MINK1: variants seen among roughly 807,000 people sequenced by gnomAD.
MINK1 encodes the protein misshapen like kinase 1.
A neutral mutation model predicts 178.4 loss-of-function variants in MINK1; 46 were observed. That is an observed-to-expected ratio of 0.26 (90% CI 0.20 to 0.33). MINK1 has a LOEUF of 0.33. Ranked by LOEUF, MINK1 falls within the 10% of genes least tolerant of loss-of-function variation. MINK1 has a pLI of 1.00. For missense variants in MINK1, 1,366 were observed against 1,814.9 expected, an observed-to-expected ratio of 0.75 and a Z score of 4.49; for synonymous variants, 797 against 709.7, an observed-to-expected ratio of 1.12 and a Z score of -1.96.
Position 4,893,026 on chromosome 17 carries a change from G to C in MINK1, c.2359G>C (p.Ala787Pro). ...CCCTGTGCTCTCCCCTGGGAATAAA[G>C]CCAAGCCCGACGACCACCGCTCACG... ...SSPVLSPGNK[A>P]KPDDHRSRPG... The change falls in exon 20 of 32, where the codon GCC becomes CCC. Residue 787 changes from alanine (A) to proline (P), a missense_variant. Transcript: ENST00000355280. 6.3e-7 allele frequency: 1 copy of C among 1,578,582 alleles called. No homozygotes were observed. Among genetic ancestry groups the C allele is most frequent in the Non-Finnish European group, 8.6e-7 (1 of 1,164,548 alleles).
chr17:4,858,999 G>A (rs1350576357), intron 1 of MINK1: 5 of 401,584 alleles, frequency 1.2e-5, no homozygotes, highest in Admixed American at 6.4e-5. Context: ...CCAGGCACCC[G>A]GGGCAGCCCC....
chr17:4,850,719 C>T lies in MINK1; in HGVS notation c.57+17079C>T, dbSNP rs964635650. 3.3e-5 allele frequency among the ~76,000 whole-genome samples: 5 copies of T among 152,276 alleles called. No individual in the cohort carries two copies. The South Asian group carries it at 6.2e-4, about 19-fold the overall frequency. ...AAGTTTTCTTGGTCATGAAGCTTCT[C>T]TAGTCTCTTCCTTGGGTTTGTGGAC... On this transcript the variant is annotated intron_variant, in intron 1 of 31. Coordinates refer to ENST00000355280, the MANE Select transcript of MINK1 (RefSeq NM_153827.5).
chr17:4,856,173 G>A (rs1913103700), intron 1 of MINK1, among the ~76,000 whole-genome samples: 1 of 152,124 alleles, frequency 6.6e-6, no homozygotes, highest in South Asian at 2.1e-4. Flanking sequence ...CAAGCACCTT[G>A]GGGTATAAGT....
At chr17:4,859,211 A>C (rs369223021) in intron 1 of MINK1, 3 of 985,240 alleles carry the variant, frequency 3.0e-6, no homozygotes, top group African/African-American at 3.5e-5. Flanking sequence ...TCCCTTCCCC[A>C]GGCTTTATGG....
At chr17:4,868,718 A>C (rs1390440140) in intron 1 of MINK1, 1 of 182,944 alleles carries the variant, frequency 5.5e-6, no homozygotes, top group African/African-American at 2.4e-5. Context: ...AGGAGTGTAG[A>C]TGTCTCTTCC....
At chr17:4,865,118 A>G (rs547562468) in intron 1 of MINK1, among the ~76,000 whole-genome samples, 1 of 152,138 alleles carries the variant, frequency 6.6e-6, no homozygotes, top group Non-Finnish European at 1.5e-5. Context: ...TCTGTTTTAC[A>G]TGAGATGTGT....
Position 4,894,926 on chromosome 17 carries a change from C to G in MINK1, c.2918-149C>G. 1 of 850,426 alleles carries G rather than the reference C, an allele frequency of 1.2e-6. No individual in the cohort carries two copies. The highest frequency in any genetic ancestry group is 1.8e-6 in the Non-Finnish European group (1 of 554,834). The allele number at this position is 850,426 out of a possible 1,614,324, so 52.7% of individuals were successfully genotyped here. A position where few individuals can be genotyped will look rare whatever the true frequency, so the allele number is the denominator to read the frequency against. ...TTTGACTCCAAGTCCAGCACTCTAT[C>G]CCCCTCTCCCATGCACCTCCTCTCC... is the stretch of plus-strand genomic sequence containing the variant. On this transcript the variant is annotated intron_variant, in intron 24 of 31. Coordinates refer to ENST00000355280, the MANE Select transcript of MINK1 (RefSeq NM_153827.5). This position sits in a 1 kb window ranked among gnomAD's most constrained non-coding sequence, Gnocchi z 4.1.
At chr17:4,867,362 G>T (rs1189902317) in intron 1 of MINK1, among the ~76,000 whole-genome samples, 1 of 151,138 alleles carries the variant, frequency 6.6e-6, no homozygotes, top group African/African-American at 2.4e-5. Flanking sequence ...AAAAAAATAG[G>T]TACACGGTCA....
chr17:4,895,154 C>T lies in MINK1; in HGVS notation c.2997C>T (p.Pro999=), dbSNP rs761417738. Residue 999 remains proline, a synonymous_variant, in exon 25 of 32, where the codon CCC becomes CCT. Coordinates refer to ENST00000355280, the MANE Select transcript of MINK1 (RefSeq NM_153827.5). The surrounding 1 kb of genome is among the most constrained non-coding windows in gnomAD (Gnocchi z 4.3). ...AGGGTTCTGTGGTCAACGTGAATCC[C>T]ACCAACACCCGGGCCCACAGTGAGA... is the stretch of plus-strand genomic sequence containing the variant. ...VRKGSVVNVN[P]TNTRAHSETP... 3 of 1,614,072 alleles carry T rather than the reference C, an allele frequency of 1.9e-6. No homozygotes were observed. The Admixed American group carries it at 5.0e-5, about 27-fold the overall frequency.
chr17:4,866,612 A>G (rs1915013337), intron 1 of MINK1, among the ~76,000 whole-genome samples: 1 of 26,630 alleles, frequency 3.8e-5, no homozygotes, highest in Admixed American at 4.8e-4. Context: ...ATTCTACCAA[A>G]AAAAAAAAAA....
chr17:4,896,184 T>C lies in MINK1; in HGVS notation c.3466-9T>C, dbSNP rs1362512648. 1.3e-6 allele frequency: 2 copies of C among 1,599,436 alleles called. No individual in the cohort carries two copies. The highest frequency in any genetic ancestry group is 1.7e-6 in the Non-Finnish European group (2 of 1,172,152). ...CCCCTGAGCCCTCCTCTCCTCCGGT[T>C]CTCTGCAGTCCTTTGCCGACCTCCC... is the stretch of plus-strand genomic sequence containing the variant. On this transcript the variant is annotated splice_polypyrimidine_tract_variant and intron_variant, in intron 28 of 31. Coordinates refer to ENST00000355280, the MANE Select transcript of MINK1 (RefSeq NM_153827.5). This position sits in a 1 kb window ranked among gnomAD's most constrained non-coding sequence, Gnocchi z 4.6.
chr17:4,837,791 T>C (rs1388194576), intron 1 of MINK1, among the ~76,000 whole-genome samples: 2 of 152,260 alleles, frequency 1.3e-5, no homozygotes, highest in Non-Finnish European at 2.9e-5. Flanking sequence ...TGTGGAGCTA[T>C]GCTTAGCGTC....
chr17:4,835,619 C>T (rs1012882884), intron 1 of MINK1, among the ~76,000 whole-genome samples: 1 of 152,098 alleles, frequency 6.6e-6, no homozygotes, highest in Non-Finnish European at 1.5e-5. Context: ...AAAGCGAGAC[C>T]TTGTCTTAAA....
rs868649481 is a variant in MINK1, at chr17:4,893,677, T to G, written c.2564+80T>G. The G allele has an allele frequency of 4.8e-6, 7 of 1,460,696 alleles. No homozygotes were observed. The South Asian group carries it at 7.2e-5, about 15-fold the overall frequency. The allele number at this position is 1,460,696 out of a possible 1,614,324, so 90.5% of individuals were successfully genotyped here. On this transcript the variant is annotated intron_variant, in intron 21 of 31. Transcript: ENST00000355280. ...GTGGCAGTGGGGAAGAGGTGGGGCT[T>G]TGGGGCAAGTCTGAGGGAGAGCGGC...
chr17:4,842,966 G>A (rs977193729), intron 1 of MINK1, among the ~76,000 whole-genome samples: 33 of 152,214 alleles, frequency 2.2e-4, no homozygotes, highest in African/African-American at 7.0e-4. Flanking sequence ...AGCTGAGCGG[G>A]ATGAGCTGGA....
chr17:4,835,222 A>C (rs1213417069), intron 1 of MINK1, among the ~76,000 whole-genome samples: 2 of 152,186 alleles, frequency 1.3e-5, no homozygotes, highest in African/African-American at 4.8e-5. Context: ...TCTGAGTAAA[A>C]GTCCCTTAAT....
chr17:4,845,070 G>A (rs562407400), intron 1 of MINK1, among the ~76,000 whole-genome samples: 1 of 152,176 alleles, frequency 6.6e-6, no homozygotes, highest in African/African-American at 2.4e-5. Context: ...ATTGTCTTTT[G>A]TGTGTGCAGA....
intron 1 of MINK1, chr17:4,854,631 C>G: frequency 2.4e-6 from 1 of 420,384 alleles, no homozygotes; most frequent in East Asian, 7.1e-5. Context: ...GATTTATAAA[C>G]TGCCTTTCCT....
intron 1 of MINK1, among the ~76,000 whole-genome samples, chr17:4,861,390 A>G (rs1914146409): frequency 6.6e-6 from 1 of 152,160 alleles, no homozygotes; most frequent in Non-Finnish European, 1.5e-5. Context: ...GGCGACATCT[A>G]TTTCGACCCA....
Sources: allele counts gnomAD v4.1 joint callset (sites outside exome capture counted in the v4.1 genomes callset), GRCh38; gene constraint gnomAD v4.1.1; non-coding constraint Gnocchi (gnomAD v3.1); transcripts MANE v1.5; gene names NCBI Gene and HGNC (gene_info 2026-07-23, HGNC 2026-07-21).